The following KCNIP1 variants were observed in gnomAD, a reference collection of about 807,000 sequenced individuals.
KCNIP1 encodes A-type potassium channel modulatory protein KCNIP1.
Under a neutral mutation model 33.0 loss-of-function variants are expected in KCNIP1, and 18 were observed. The ratio of observed to expected loss-of-function variants is 0.55; its 90% confidence interval spans 0.38 to 0.81. The LOEUF is 0.81. KCNIP1 is among the 30% of genes least tolerant of loss of function. The probability of loss-of-function intolerance (pLI) is 0.00; values close to 1 mark genes in which losing one functional copy is unlikely to be tolerated. For missense variants in KCNIP1, 238 were observed against 271.6 expected (o/e 0.88, Z 0.87); for synonymous variants, 93 against 98.3 (o/e 0.95, Z 0.32).
At chr5:170,440,847 G>A (rs187404830) in intron 1 of KCNIP1, among the ~76,000 whole-genome samples, 1 of 152,138 alleles carries the variant, frequency 6.6e-6, no homozygotes, top group African/African-American at 2.4e-5. Context: ...AAAGTGGAGG[G>A]TATGTCCTTG....
intron 1 of KCNIP1, among the ~76,000 whole-genome samples, chr5:170,663,430 T>C (rs1761574700): frequency 6.6e-6 from 1 of 151,912 alleles, no homozygotes; most frequent in African/African-American, 2.4e-5. Context: ...CAGGTGCCTC[T>C]CCCCCAGCAG....
intron 1 of KCNIP1, among the ~76,000 whole-genome samples, chr5:170,708,258 A>G (rs1260299327): frequency 6.6e-6 from 1 of 152,228 alleles, no homozygotes; most frequent in Admixed American, 6.5e-5. Flanking sequence ...CTCATCCAGA[A>G]CAAACCAAAC....
intron 1 of KCNIP1, among the ~76,000 whole-genome samples, chr5:170,569,702 C>G (rs1757329755): frequency 6.6e-6 from 1 of 152,038 alleles, no homozygotes; most frequent in East Asian, 1.9e-4. Flanking sequence ...TATGATCACA[C>G]CAATGCCCTC....
intron 1 of KCNIP1, among the ~76,000 whole-genome samples, chr5:170,550,493 T>G (rs1467530932): frequency 2.0e-5 from 3 of 152,028 alleles, no homozygotes; most frequent in African/African-American, 7.2e-5. Flanking sequence ...ATGACAATGA[T>G]GGTGATGATG....
intron 1 of KCNIP1, among the ~76,000 whole-genome samples, chr5:170,670,581 G>A (rs868470812): frequency 3.3e-5 from 5 of 152,150 alleles, no homozygotes; most frequent in Non-Finnish European, 5.9e-5. Flanking sequence ...TCCCCCAGCA[G>A]GAGCTCCTGC....
chr5:170,477,421 TTTTTGTTTTG>T (rs971543173), intron 1 of KCNIP1, among the ~76,000 whole-genome samples: 2 of 151,830 alleles, frequency 1.3e-5, no homozygotes, highest in African/African-American at 2.4e-5. Context: ...TGGGTTGGCT[TTTTTGTTTTG>T]TTTTGTTTTG....
chr5:170,536,308 G>A (rs1271822215), intron 1 of KCNIP1, among the ~76,000 whole-genome samples: 2 of 152,200 alleles, frequency 1.3e-5, no homozygotes, highest in Admixed American at 6.5e-5. Context: ...ACTACTGCCT[G>A]TGCAGCCTTG....
chr5:170,544,605 CTTCT>C (rs1475498510), intron 1 of KCNIP1, among the ~76,000 whole-genome samples: 1 of 152,030 alleles, frequency 6.6e-6, no homozygotes. Flanking sequence ...TGTACTATCT[CTTCT>C]TTCTTCCTTT....
intron 1 of KCNIP1, among the ~76,000 whole-genome samples, chr5:170,362,399 A>C (rs568897472): frequency 1.3e-5 from 2 of 152,342 alleles, no homozygotes; most frequent in African/African-American, 4.8e-5. Flanking sequence ...GCCAAGAGGC[A>C]ACACACACTC....
At chr5:170,734,589 A>G (rs934598308) in intron 7 of KCNIP1, among the ~76,000 whole-genome samples, 1 of 152,220 alleles carries the variant, frequency 6.6e-6, no homozygotes, top group Non-Finnish European at 1.5e-5. Flanking sequence ...AGTCCACCAG[A>G]GACTGAACTG....
intron 1 of KCNIP1, among the ~76,000 whole-genome samples, chr5:170,578,158 C>T (rs1757668972): frequency 6.6e-6 from 1 of 152,184 alleles, no homozygotes; most frequent in Admixed American, 6.5e-5. Flanking sequence ...AGGCTCTCAC[C>T]TTCACGGAGA....
rs115026367 is a variant in KCNIP1 at position 170,553,273 on chromosome 5, A to G, written c.61+48640A>G. ...TGTACCCCTGTGTCGAAACCTGTGT[A>G]TTCCTGGTTCTTGTTTATTTATTCA... On this transcript the variant is annotated intron_variant, in intron 1 of 7. Transcript: ENST00000328939. Among the ~76,000 whole-genome samples the G allele has an allele frequency of 7.3e-3, 1,114 of 152,350 alleles. 16 individuals are homozygous for G. The highest frequency in any genetic ancestry group is 0.025 in the African/African-American group (1,053 of 41,576).
chr5:170,372,687 C>CTAGATGATCTCTAAAGAAGACTT (rs1183880786), intron 1 of KCNIP1, among the ~76,000 whole-genome samples: 1 of 152,166 alleles, frequency 6.6e-6, no homozygotes, highest in East Asian at 1.9e-4. Flanking sequence ...TGGAGAAGCA[C>CTAGATGATCTCTAAAGAAGACTT]TAGATGATCT....
rs1554088940 is a variant in KCNIP1, at chr5:170,390,517, A to AATATATATATATATATATATAT, written c.88+36554_88+36575dup. Among the ~76,000 whole-genome samples the AATATATATATATATATATATAT allele has an allele frequency of 1.3e-3, 96 of 74,442 alleles. 4 individuals are homozygous for AATATATATATATATATATATAT. The highest frequency in any genetic ancestry group is 2.4e-3 in the African/African-American group (38 of 15,578). 48.8% of individuals were successfully genotyped at this position (74,442 alleles called of 152,430 possible). The stretch of plus-strand genomic sequence containing the variant: ...GACCCCGTCTCAAAAAAAAAAAACA[A>AATATATATATATATATATATAT]ATATATATATATATATATATATTTT... On this transcript the variant is annotated intron_variant, in intron 1 of 7. Transcript: ENST00000377360.
intron 1 of KCNIP1, among the ~76,000 whole-genome samples, chr5:170,386,473 A>G (rs2113349088): frequency 6.6e-6 from 1 of 152,280 alleles, no homozygotes; most frequent in African/African-American, 2.4e-5. Context: ...TACAACAGTC[A>G]TAGGTCCCAT....
At chr5:170,385,149 A>G (rs1024271272) in intron 1 of KCNIP1, among the ~76,000 whole-genome samples, 1 of 151,962 alleles carries the variant, frequency 6.6e-6, no homozygotes, top group Non-Finnish European at 1.5e-5. Context: ...AGTTCATCCT[A>G]CCTTCCCTGC....
intron 1 of KCNIP1, among the ~76,000 whole-genome samples, chr5:170,661,601 C>T (rs1434449246): frequency 6.6e-6 from 1 of 152,084 alleles, no homozygotes; most frequent in African/African-American, 2.4e-5. Flanking sequence ...ATTCTTGGCC[C>T]AGCAGAGGAC....
intron 1 of KCNIP1, among the ~76,000 whole-genome samples, chr5:170,620,124 G>A (rs544013446): frequency 2.0e-4 from 30 of 152,320 alleles, no homozygotes; most frequent in Admixed American, 1.7e-3. Context: ...AAAATGCATT[G>A]GGTTTAGTTC....
intron 1 of KCNIP1, among the ~76,000 whole-genome samples, chr5:170,511,203 C>T (rs1000819882): frequency 2.6e-5 from 4 of 152,038 alleles, no homozygotes. Flanking sequence ...AGCGAGACTC[C>T]GTCTCAAAAA....
Sources: gnomAD v4.1 joint callset for allele counts (sites outside exome capture counted in the v4.1 genomes callset) on GRCh38, gnomAD v4.1.1 for gene constraint, MANE v1.5 for transcripts, NCBI Gene and HGNC (gene_info 2026-07-23, HGNC 2026-07-21) for gene names.